VCAN: variants seen among roughly 807,000 people sequenced by gnomAD.
VCAN encodes versican.
In VCAN, 44 loss-of-function variants were observed where a neutral mutation model predicts 245.5. The observed-to-expected ratio is 0.18, with a 90% confidence interval of 0.14 to 0.23. The LOEUF is 0.23. Ranked by LOEUF, VCAN falls within the 10% of genes least tolerant of loss-of-function variation. The pLI is 1.00. For missense variants in VCAN, 3,793 were observed against 4,057.9 expected (o/e 0.93, Z 1.77); for synonymous variants, 1,413 against 1,437.0 (o/e 0.98, Z 0.38).
chr5:83,489,687 G>A (rs1412136878), intron 2 of VCAN, among the ~76,000 whole-genome samples: 1 of 151,728 alleles, frequency 6.6e-6, no homozygotes, highest in African/African-American at 2.4e-5. Flanking sequence ...TTTGTCTTTC[G>A]ACCTGTAGAC....
chr5:83,556,136 C>T (rs1211455926), intron 12 of VCAN, among the ~76,000 whole-genome samples: 2 of 152,168 alleles, frequency 1.3e-5, no homozygotes, highest in Non-Finnish European at 2.9e-5. Flanking sequence ...GTGCCAGCCA[C>T]TGTATTAAGC....
At chr5:83,529,399 A>G (rs552142605) in intron 7 of VCAN, among the ~76,000 whole-genome samples, 2 of 151,856 alleles carry the variant, frequency 1.3e-5, no homozygotes, top group Non-Finnish European at 2.9e-5. Context: ...TAACACAAAT[A>G]AAAACCCAAC....
At position 83,537,925 on chromosome 5, in the gene VCAN, G is replaced by T; in HGVS notation, c.4922G>T (p.Gly1641Val). The T allele has an allele frequency of 6.2e-7, 1 of 1,613,902 alleles. No homozygotes were observed. Among genetic ancestry groups the T allele is most frequent in the Non-Finnish European group, 8.5e-7 (1 of 1,179,950 alleles). ...SGSSSIPITE[G>V]SGEAEEDEDT... is the part of the protein sequence containing the mutation. ...AGTTCTTCGATTCCAATTACAGAAG[G>T]CTCTGGAGAAGCAGAAGAAGATGAA... The change falls in exon 8 of 15, where the codon GGC (glycine) becomes GTC (valine). Residue 1641 changes from glycine (G) to valine (V), a missense_variant. Physicochemically the swap from Gly to Val is moderately radical, Grantham distance 109. Coordinates refer to ENST00000265077, the MANE Select transcript of VCAN (RefSeq NM_004385.5).
chr5:83,517,964 T>C (rs1455104477), intron 6 of VCAN, among the ~76,000 whole-genome samples: 1 of 152,192 alleles, frequency 6.6e-6, no homozygotes, highest in Non-Finnish European at 1.5e-5. Flanking sequence ...AATCACATCA[T>C]TTTATGATTA....
intron 5 of VCAN, among the ~76,000 whole-genome samples, chr5:83,499,743 A>G (rs1240847197): frequency 1.3e-5 from 2 of 151,958 alleles, no homozygotes; most frequent in East Asian, 1.9e-4. Context: ...CTTTTCTTGT[A>G]TTAATACCTA....
At chr5:83,527,678 C>T (rs1455999687) in intron 7 of VCAN, among the ~76,000 whole-genome samples, 1 of 152,144 alleles carries the variant, frequency 6.6e-6, no homozygotes, top group East Asian at 1.9e-4. Flanking sequence ...TATAAACACA[C>T]ACATATAGAA....
At chr5:83,524,128 T>C (rs1417776452) in intron 7 of VCAN, among the ~76,000 whole-genome samples, 1 of 151,806 alleles carries the variant, frequency 6.6e-6, no homozygotes, top group African/African-American at 2.4e-5. Flanking sequence ...AATTACAAAA[T>C]GGAAAAAGTG....
intron 13 of VCAN, among the ~76,000 whole-genome samples, chr5:83,575,730 G>A (rs1477216243): frequency 6.6e-6 from 1 of 152,086 alleles, no homozygotes. Context: ...ATTGCCATAT[G>A]TCTCCAGAAG....
rs376034690 is a variant in VCAN, at chr5:83,580,200, T to C, written c.10063+38T>C. On this transcript the variant is annotated intron_variant, in intron 14 of 14. Transcript: ENST00000265077. ...TTAGAAAGAATGGACTACCGTGCTA[T>C]AACAACTACTAGACACCTTCATTTT... is the stretch of plus-strand genomic sequence containing the variant. 5 of 1,613,896 alleles carry C rather than the reference T, an allele frequency of 3.1e-6. No individual in the cohort carries two copies. In the African/African-American group the frequency reaches 6.7e-5, roughly 22 times the overall value.
In VCAN at chr5:83,537,439, T is replaced by G. The variant is rs1474026512; in HGVS notation, c.4436T>G (p.Val1479Gly). Residue 1479 changes from valine to glycine, a missense_variant, in exon 8 of 15, where the codon GTT becomes GGT. By Grantham distance (109) the Val-to-Gly change is moderately radical. Transcript: ENST00000265077. The stretch of plus-strand genomic sequence containing the variant: ...ACAGAAACAACTGAGTCTCTTGAAG[T>G]TACATGGAAGCCTGAGACTTACCCT... Reference protein sequence around the residue: ...ESTETTESLEVTWKPETYPET... With the variant: ...ESTETTESLEGTWKPETYPET... The G allele has an allele frequency of 1.2e-5, 20 of 1,613,846 alleles. No homozygotes were observed. In the East Asian group the frequency reaches 4.5e-4, roughly 36 times the overall value.
rs775755753 is a variant in VCAN, at chr5:83,545,541, T to C, written c.9270T>C (p.Pro3090=). Residue 3090 remains proline (P), a synonymous_variant, in exon 9 of 15, where the codon CCT becomes CCC. Transcript: ENST00000265077. ...TTACTTTCCTGAATATGGTAGGACC[T>C]GATCGCTGCAAAATGAACCCGTGCC... ...VEGTAIYLPG[P]DRCKMNPCLN... is the part of the protein sequence containing the mutation. 6 of 1,613,830 alleles carry C rather than the reference T, an allele frequency of 3.7e-6. No individual in the cohort carries two copies. In the East Asian group the frequency reaches 1.3e-4, roughly 36 times the overall value.
chr5:83,531,994 C>T (rs1746540441), intron 7 of VCAN, among the ~76,000 whole-genome samples: 1 of 152,042 alleles, frequency 6.6e-6, no homozygotes, highest in East Asian at 1.9e-4. Context: ...AGTTATATTG[C>T]CTTTTGAGTA....
intron 3 of VCAN, among the ~76,000 whole-genome samples, chr5:83,491,288 A>T (rs1744971876): frequency 6.6e-6 from 1 of 152,234 alleles, no homozygotes; most frequent in Non-Finnish European, 1.5e-5. Context: ...ATACCCAGAC[A>T]TGATGGAACA....
chr5:83,511,964 GC>G, intron 5 of VCAN, 138 bp from the exon 6 acceptor site: 1 of 1,026,438 alleles, frequency 9.7e-7, no homozygotes, highest in Non-Finnish European at 1.4e-6. Context: ...TATCTTTTCT[GC>G]TTTAAAGTAT....
chr5:83,526,220 G>A (rs1013738560), intron 7 of VCAN, among the ~76,000 whole-genome samples: 1 of 152,148 alleles, frequency 6.6e-6, no homozygotes, highest in African/African-American at 2.4e-5. Context: ...TTACAGGCAT[G>A]AGCCACTGCG....
intron 9 of VCAN, among the ~76,000 whole-genome samples, chr5:83,546,429 C>T (rs1747223054): frequency 6.6e-6 from 1 of 151,962 alleles, no homozygotes. Flanking sequence ...TATTGCGATA[C>T]AATCCCAACA....
intron 7 of VCAN, among the ~76,000 whole-genome samples, chr5:83,526,573 T>C (rs1746310400): frequency 6.6e-6 from 1 of 152,114 alleles, no homozygotes; most frequent in African/African-American, 2.4e-5. Flanking sequence ...ATCTAGACCA[T>C]TCAAAATAAA....
Position 83,580,609 on chromosome 5 carries a change from A to T in VCAN, c.*175A>T. 1.1e-6 allele frequency: 1 copy of T among 899,128 alleles called. No individual in the cohort carries two copies. The highest frequency in any genetic ancestry group is 1.5e-5 in the South Asian group (1 of 66,606). The allele number at this position is 899,128 out of a possible 1,614,324, so 55.7% of individuals were successfully genotyped here. On this transcript the variant is annotated 3_prime_UTR_variant, in exon 15 of 15. Transcript: ENST00000265077. ...TTTAAATGAAAGTATTGGCATTCAA[A>T]AAGACAGCAGACAAAATGAAAGAAA...
chr5:83,535,964 C>T (rs1021630800), intron 7 of VCAN: 2 of 152,076 alleles, frequency 1.3e-5, no homozygotes, highest in Admixed American at 1.3e-4. Context: ...GTGGCAGGAC[C>T]CTGTTCTAGG....
Sources: gnomAD v4.1 joint callset for allele counts (sites outside exome capture counted in the v4.1 genomes callset) on GRCh38, gnomAD v4.1.1 for gene constraint, MANE v1.5 for transcripts, NCBI Gene and HGNC (gene_info 2026-07-23, HGNC 2026-07-21) for gene names.